Variants in MCF2L2 observed in about 807,000 individuals in gnomAD.
MCF2L2 encodes the protein MCF.2 cell line derived transforming sequence-like 2.
MCF2L2 carries 102 observed loss-of-function variants against 150.2 expected under a neutral mutation model. That is an observed-to-expected ratio of 0.68 (90% confidence interval 0.58 to 0.80). The LOEUF (loss-of-function observed/expected upper bound fraction) is 0.80, where lower values mean the gene tolerates loss of function less well. Ranked by LOEUF, MCF2L2 falls within the 30% of genes least tolerant of loss-of-function variation. MCF2L2 has a pLI of 0.00. For synonymous variants in MCF2L2, 465 were observed against 491.3 expected (o/e 0.95, Z 0.71); for missense variants, 1,256 against 1,372.8 (o/e 0.91, Z 1.34).
At chr3:183,400,532 TTC>T (rs1387807239) in intron 1 of MCF2L2, 1 of 455,192 alleles carries the variant, frequency 2.2e-6, no homozygotes, top group African/African-American at 2.0e-5. Context: ...CGCTCTCCAT[TTC>T]TCTCTAGGCA....
At chr3:183,400,453 T>C (rs2108610703) in intron 1 of MCF2L2, 1 of 456,662 alleles carries the variant, frequency 2.2e-6, no homozygotes, top group Non-Finnish European at 4.4e-6. Context: ...GGTGAGTATC[T>C]AGGATCTTGC....
chr3:183,183,538 A>T (rs1017885203), intron 27 of MCF2L2, among the ~76,000 whole-genome samples: 4 of 152,206 alleles, frequency 2.6e-5, no homozygotes, highest in African/African-American at 9.6e-5. Context: ...GGGCAGTCAG[A>T]CCTGATTCTC....
intron 1 of MCF2L2, among the ~76,000 whole-genome samples, chr3:183,390,304 T>C (rs1714070322): frequency 6.6e-6 from 1 of 152,198 alleles, no homozygotes; most frequent in Non-Finnish European, 1.5e-5. Context: ...CCAGAATACT[T>C]TAAGGGGCCT....
intron 15 of MCF2L2, chr3:183,269,998 C>T (rs755733579): frequency 1.2e-6 from 2 of 1,614,100 alleles, no homozygotes; most frequent in South Asian, 1.1e-5. Context: ...CTTAAGCACA[C>T]CTCAGCGGGG....
At chr3:183,278,163 G>A (rs1344930905) in intron 14 of MCF2L2, among the ~76,000 whole-genome samples, 2 of 150,872 alleles carry the variant, frequency 1.3e-5, no homozygotes, top group African/African-American at 2.4e-5. Flanking sequence ...CAGTCTGGGC[G>A]ACACAGTGAG....
At chr3:183,350,310 T>TC (rs1731062110) in intron 3 of MCF2L2, among the ~76,000 whole-genome samples, 1 of 151,870 alleles carries the variant, frequency 6.6e-6, no homozygotes, top group Admixed American at 6.6e-5. Flanking sequence ...GGTGGGATTT[T>TC]TTTTTTTCAC....
chr3:183,400,387 C>T, intron 1 of MCF2L2: 1 of 456,242 alleles, frequency 2.2e-6, no homozygotes, highest in Non-Finnish European at 4.4e-6. Context: ...ATGCAACTTC[C>T]TACTAAACGG....
chr3:183,368,956 G>A (rs570805845), intron 3 of MCF2L2, among the ~76,000 whole-genome samples: 1 of 152,144 alleles, frequency 6.6e-6, no homozygotes, highest in Non-Finnish European at 1.5e-5. Flanking sequence ...AATCAGAAAG[G>A]TATTTGTGCA....
intron 27 of MCF2L2, chr3:183,182,778 TAGAG>T (rs1468200383): frequency 6.6e-6 from 1 of 152,106 alleles, no homozygotes; most frequent in Non-Finnish European, 1.5e-5. Flanking sequence ...CAGAAAACCT[TAGAG>T]AGCATCCTGC....
At chr3:183,392,631 C>A (rs1450790029) in intron 1 of MCF2L2, among the ~76,000 whole-genome samples, 1 of 152,246 alleles carries the variant, frequency 6.6e-6, no homozygotes, top group Non-Finnish European at 1.5e-5. Flanking sequence ...AAAGGAGCCA[C>A]ATGACCCAAC....
chr3:183,269,884 TG>T (rs1299212670), intron 15 of MCF2L2: 14 of 1,613,992 alleles, frequency 8.7e-6, no homozygotes, highest in Non-Finnish European at 1.2e-5. Flanking sequence ...GCGAGCCTCA[TG>T]TTTTTTTGGG....
intron 15 of MCF2L2, among the ~76,000 whole-genome samples, chr3:183,276,334 C>G (rs16857240): frequency 6.6e-6 from 1 of 152,124 alleles, no homozygotes; most frequent in Non-Finnish European, 1.5e-5. Flanking sequence ...TACAAGTCAA[C>G]CAGCGTGGGT....
Position 183,311,694 on chromosome 3 carries a change from T to C in MCF2L2, c.832A>G (p.Ser278Gly). 2 of 1,614,150 alleles carry C rather than the reference T, an allele frequency of 1.2e-6. No individual in the cohort carries two copies. The highest frequency in any genetic ancestry group is 1.7e-6 in the Non-Finnish European group (2 of 1,179,986). Reference sequence around the variant, plus strand: ...TCAAGTTGGTTGAGATTGAGTTTGCTGTTGGGACATTTGGTTGCTGGTTCT... The same window carrying C: ...TCAAGTTGGTTGAGATTGAGTTTGCCGTTGGGACATTTGGTTGCTGGTTCT... ...IQEPATKCPNSKLNLNQLENV... is the reference protein window; with the variant it reads ...IQEPATKCPNGKLNLNQLENV... Residue 278 changes from serine to glycine, a missense_variant, in exon 8 of 30, where the codon AGC becomes GGC. Ser to Gly is a moderately conservative substitution (Grantham distance 56, BLOSUM62 0). Coordinates refer to ENST00000328913, the MANE Select transcript of MCF2L2 (RefSeq NM_015078.4).
Position 183,356,946 on chromosome 3 carries a change from A to G in MCF2L2, c.276-15316T>C, listed in dbSNP as rs182624216. Among the ~76,000 whole-genome samples the G allele has an allele frequency of 7.3e-4, 111 of 152,370 alleles. 1 individual carries two copies. In the Middle Eastern group the frequency reaches 0.01, roughly 14 times the overall value. On this transcript the variant is annotated intron_variant, in intron 3 of 29. Coordinates refer to ENST00000328913, the MANE Select transcript of MCF2L2 (RefSeq NM_015078.4). Reference sequence around the variant, plus strand: ...AGGGAGCAATGGGAGAATAAGAAATAGTTCTCAGAAATTAAACATATGATG... The same window carrying G: ...AGGGAGCAATGGGAGAATAAGAAATGGTTCTCAGAAATTAAACATATGATG...
At chr3:183,272,811 T>C (rs547197310) in intron 15 of MCF2L2, 2 of 1,202,960 alleles carry the variant, frequency 1.7e-6, no homozygotes, top group African/African-American at 3.2e-5. Flanking sequence ...CTTGGAAGTG[T>C]TTAAGGTTGC....
At chr3:183,252,006 T>C (rs1227435939) in intron 15 of MCF2L2, among the ~76,000 whole-genome samples, 1 of 148,520 alleles carries the variant, frequency 6.7e-6, no homozygotes, top group Non-Finnish European at 1.5e-5. Flanking sequence ...TATCTGTATC[T>C]AGTATGATGT....
At chr3:183,257,478 A>G (rs770167928) in intron 15 of MCF2L2, among the ~76,000 whole-genome samples, 3 of 152,228 alleles carry the variant, frequency 2.0e-5, no homozygotes, top group Non-Finnish European at 4.4e-5. Context: ...TTAGTTAAAT[A>G]TACGTATTAA....
At chr3:183,344,660 G>A (rs1222760917) in intron 3 of MCF2L2, among the ~76,000 whole-genome samples, 2 of 152,148 alleles carry the variant, frequency 1.3e-5, no homozygotes, top group African/African-American at 4.8e-5. Context: ...AGACCCATTG[G>A]TGTGCTGTAT....
intron 21 of MCF2L2, among the ~76,000 whole-genome samples, chr3:183,217,298 A>AG (rs1165536517): frequency 7.1e-6 from 1 of 141,504 alleles, no homozygotes; most frequent in African/African-American, 2.7e-5. Context: ...CCGTCTCAAA[A>AG]AAAAAAAAAA....
Sources: allele counts gnomAD v4.1 joint callset (sites outside exome capture counted in the v4.1 genomes callset), GRCh38; gene constraint gnomAD v4.1.1; transcripts MANE v1.5; gene names NCBI Gene and HGNC (gene_info 2026-07-23, HGNC 2026-07-21).